WASF3: variants seen among roughly 807,000 people sequenced by gnomAD.
WASF3 encodes actin-binding protein WASF3.
WASF3 carries 11 observed loss-of-function variants against 46.6 expected under a neutral mutation model. That is an observed-to-expected ratio of 0.24 (90% CI 0.15 to 0.39). The LOEUF is 0.39. Ranked by LOEUF, WASF3 falls within the 10% of genes least tolerant of loss-of-function variation. The probability of loss-of-function intolerance (pLI) is 1.00; values close to 1 mark genes in which losing one functional copy is unlikely to be tolerated. For synonymous variants in WASF3, 242 were observed against 259.7 expected, an observed-to-expected ratio of 0.93 and a Z score of 0.65; for missense variants, 576 against 669.8, an observed-to-expected ratio of 0.86 and a Z score of 1.55.
At chr13:26,624,370 A>T (rs1881401959) in intron 2 of WASF3, among the ~76,000 whole-genome samples, 1 of 152,230 alleles carries the variant, frequency 6.6e-6, no homozygotes, top group Non-Finnish European at 1.5e-5. Flanking sequence ...CAGAATATAA[A>T]AAGGAACAGT....
At chr13:26,578,940 A>G (rs1171189262) in intron 1 of WASF3, among the ~76,000 whole-genome samples, 4 of 134,796 alleles carry the variant, frequency 3.0e-5, no homozygotes, top group Non-Finnish European at 1.6e-5. Context: ...GATAGTAGTT[A>G]TTATATTGAT....
At chr13:26,671,289 A>G (rs143816095) in intron 5 of WASF3, among the ~76,000 whole-genome samples, 2 of 152,338 alleles carry the variant, frequency 1.3e-5, no homozygotes, top group African/African-American at 4.8e-5. Context: ...GCCACAGGTG[A>G]ATAAAGTTTC....
the WASF3 span, among the ~76,000 whole-genome samples, chr13:26,549,259 C>T: frequency 2.0e-5 from 3 of 152,092 alleles, no homozygotes; most frequent in South Asian, 2.1e-4. Flanking sequence ...GGATTACAGG[C>T]GTGAGCCACT....
chr13:26,605,174 G>C (rs954200320), intron 1 of WASF3, among the ~76,000 whole-genome samples: 1 of 152,112 alleles, frequency 6.6e-6, no homozygotes, highest in Non-Finnish European at 1.5e-5. Flanking sequence ...TGATGCCCTT[G>C]GTACCAGTCC....
chr13:26,622,922 A>G (rs1593153993), intron 2 of WASF3, among the ~76,000 whole-genome samples: 1 of 152,212 alleles, frequency 6.6e-6, no homozygotes, highest in African/African-American at 2.4e-5. Context: ...ATAAGAGAAC[A>G]TTGCTTCTAT....
chr13:26,614,434 G>A lies in WASF3; in HGVS notation c.-11+1376G>A, dbSNP rs542687823. ...TCCATGGTTAAAGAGGAGCTTACAA[G>A]GCAAAATACTTTGAATTGAATGAAA... On this transcript the variant is annotated intron_variant, in intron 2 of 9. Coordinates refer to ENST00000335327, the MANE Select transcript of WASF3 (RefSeq NM_006646.6). Among the ~76,000 whole-genome samples, 3 of 152,220 alleles carry A rather than the reference G, an allele frequency of 2.0e-5. No homozygotes were observed. In the East Asian group the frequency reaches 5.8e-4, roughly 29 times the overall value.
At chr13:26,614,679 T>C (rs1881078663) in intron 2 of WASF3, among the ~76,000 whole-genome samples, 1 of 152,194 alleles carries the variant, frequency 6.6e-6, no homozygotes, top group Non-Finnish European at 1.5e-5. Context: ...TAAATTTTTT[T>C]GTCAGGCAAG....
chr13:26,608,150 G>T (rs1165758111), intron 1 of WASF3, among the ~76,000 whole-genome samples: 2 of 151,798 alleles, frequency 1.3e-5, no homozygotes, highest in Non-Finnish European at 2.9e-5. Context: ...TCTCTGGCGA[G>T]GGACTGTTAG....
chr13:26,573,688 T>C (rs1593373302), intron 1 of WASF3, among the ~76,000 whole-genome samples: 1 of 152,214 alleles, frequency 6.6e-6, no homozygotes, highest in African/African-American at 2.4e-5. Flanking sequence ...ATTATTATTT[T>C]TGTATATTTT....
chr13:26,566,135 A>T (rs1210624651), intron 1 of WASF3, among the ~76,000 whole-genome samples: 2 of 152,240 alleles, frequency 1.3e-5, no homozygotes, highest in African/African-American at 2.4e-5. Context: ...CATTTGAGAC[A>T]ATATTGCCCT....
intron 3 of WASF3, among the ~76,000 whole-genome samples, chr13:26,645,887 C>G (rs529357846): frequency 3.0e-4 from 45 of 152,176 alleles, no homozygotes; most frequent in African/African-American, 7.9e-4. Flanking sequence ...TCACTCCTGT[C>G]TACACAATAA....
upstream of WASF3, among the ~76,000 whole-genome samples, chr13:26,554,083 C>CTTT (rs1566032431): frequency 8.4e-3 from 907 of 108,146 alleles, 4 homozygotes; most frequent in Middle Eastern, 0.013. Context: ...TTCCTTCCTT[C>CTTT]CTTCCTTCCT....
intron 1 of WASF3, among the ~76,000 whole-genome samples, chr13:26,608,942 G>C (rs999962466): frequency 6.6e-6 from 1 of 152,164 alleles, no homozygotes; most frequent in Non-Finnish European, 1.5e-5. Flanking sequence ...GTGAAAAGAA[G>C]AACATAGAAT....
chr13:26,645,462 A>T (rs1229606808), intron 3 of WASF3, among the ~76,000 whole-genome samples: 1 of 152,164 alleles, frequency 6.6e-6, no homozygotes, highest in Non-Finnish European at 1.5e-5. Context: ...CTGATTGGTG[A>T]TAGAATATCA....
At chr13:26,642,524 C>A in intron 3 of WASF3, 121 bp downstream of exon 3, 1 of 1,222,772 alleles carries the variant, frequency 8.2e-7, no homozygotes, top group Non-Finnish European at 1.1e-6. Flanking sequence ...CTTTCTCCTT[C>A]TGTATTTCCC....
chr13:26,661,772 CGTTTTT>C (rs1370545899), intron 3 of WASF3, among the ~76,000 whole-genome samples: 4 of 152,150 alleles, frequency 2.6e-5, no homozygotes, highest in Admixed American at 1.3e-4. Flanking sequence ...CACTTTTCTG[CGTTTTT>C]GTTTTTGTTT....
At chr13:26,598,223 T>C (rs1284353328) in intron 1 of WASF3, among the ~76,000 whole-genome samples, 1 of 152,240 alleles carries the variant, frequency 6.6e-6, no homozygotes, top group African/African-American at 2.4e-5. Context: ...CCAGTGATGA[T>C]GAGCGTTTTT....
the WASF3 span, among the ~76,000 whole-genome samples, chr13:26,549,815 C>G: frequency 4.6e-5 from 7 of 152,052 alleles, no homozygotes; most frequent in Admixed American, 3.9e-4. Flanking sequence ...CAGCAAAAAC[C>G]CCAGTGCCTG....
chr13:26,584,987 G>T (rs1880088290), intron 1 of WASF3, among the ~76,000 whole-genome samples: 1 of 152,048 alleles, frequency 6.6e-6, no homozygotes, highest in African/African-American at 2.4e-5. Flanking sequence ...CCATCATCTG[G>T]AAGGAAAATA....
Sources: allele counts gnomAD v4.1 joint callset (sites outside exome capture counted in the v4.1 genomes callset), GRCh38; gene constraint gnomAD v4.1.1; transcripts MANE v1.5; gene names NCBI Gene and HGNC (gene_info 2026-07-23, HGNC 2026-07-21).